The following STT3A variants were observed in gnomAD, a reference collection of about 807,000 sequenced individuals.
STT3A encodes dolichyl-diphosphooligosaccharide--protein glycosyltransferase subunit STT3A.
In STT3A, 34 loss-of-function variants were observed where a neutral mutation model predicts 89.2. That is an observed-to-expected ratio of 0.38 (90% CI 0.29 to 0.51). STT3A has a LOEUF of 0.51. Among genes scored for constraint, STT3A ranks in the 20% least tolerant of loss-of-function variants. The pLI is 0.89. For synonymous variants in STT3A, 282 were observed against 310.3 expected, an observed-to-expected ratio of 0.91 and a Z score of 0.96; for missense variants, 555 against 889.5, an observed-to-expected ratio of 0.62 and a Z score of 4.78.
chr11:125,609,403 T>C (rs765362981), intron 9 of STT3A, 31 bp from the exon 10 acceptor site: 21 of 1,572,858 alleles, frequency 1.3e-5, no homozygotes, highest in Non-Finnish European at 1.8e-5. Context: ...GAAGAGTGTG[T>C]GTGGAATATT....
At position 125,614,007 on chromosome 11, in the gene STT3A, C is replaced by A; in HGVS notation, c.1555-80C>A. On this transcript the variant is annotated intron_variant, in intron 13 of 17. Transcript: ENST00000392708. The surrounding 1 kb of genome is among the most constrained non-coding windows in gnomAD (Gnocchi z 4.9). ...TTAGCCAGGTGTCACTTCTGTCAGA[C>A]CAAAGATGCCTTCTCTGTTGCATTT... 7.8e-7 allele frequency: 1 copy of A among 1,287,310 alleles called. No individual in the cohort carries two copies. The highest frequency in any genetic ancestry group is 1.1e-6 in the Non-Finnish European group (1 of 894,712). The allele number at this position is 1,287,310 out of a possible 1,614,324, so 79.7% of individuals were successfully genotyped here.
rs1187932931 is a variant in STT3A at position 125,622,432 on chromosome 11, AATG to A, written c.*1625_*1627del. The A allele has an allele frequency of 6.6e-6, 1 of 152,246 alleles. No homozygotes were observed. Among genetic ancestry groups the A allele is most frequent in the African/African-American group, 2.4e-5 (1 of 41,456 alleles). 9.4% of individuals were successfully genotyped at this position (152,246 alleles called of 1,614,324 possible). ...TGATTAATACCAGTTAGAAATTATT[AATG>A]ATCTTCCTTTATACTATACATAGGA... On this transcript the variant is annotated 3_prime_UTR_variant, in exon 18 of 18. Coordinates refer to ENST00000392708, the MANE Select transcript of STT3A (RefSeq NM_152713.5).
chr11:125,595,823 G>A, intron 1 of STT3A, 58 bp from the exon 2 acceptor site: 1 of 837,216 alleles, frequency 1.2e-6, no homozygotes, highest in South Asian at 1.5e-5. Flanking sequence ...CATAAAATAT[G>A]AAAATTAAGT....
chr11:125,592,354 G>A (rs1939323694), upstream of STT3A: 1 of 455,544 alleles, frequency 2.2e-6, no homozygotes, highest in Admixed American at 2.4e-5. Context: ...TTTTAATTGA[G>A]AATAAATAGG....
Position 125,611,516 on chromosome 11 carries a change from A to C in STT3A, c.1206A>C (p.Val402=), listed in dbSNP as rs1449007776. The part of the protein sequence containing the change: ...YGVTSMYFSA[V]MVRLMLVLAP... ...TGACCAGCATGTACTTTTCAGCTGT[A>C]ATGGTGAGGATGCCCTCAGTCTGGT... The change falls in exon 11 of 18, where the codon GTA becomes GTC. Residue 402 remains valine (V), a synonymous_variant. Coordinates refer to ENST00000392708, the MANE Select transcript of STT3A (RefSeq NM_152713.5). The C allele has an allele frequency of 6.2e-6, 10 of 1,613,438 alleles. No individual in the cohort carries two copies. Among genetic ancestry groups the C allele is most frequent in the Non-Finnish European group, 8.5e-6 (10 of 1,179,736 alleles).
At chr11:125,616,230 T>C (rs1940177526) in intron 15 of STT3A, among the ~76,000 whole-genome samples, 1 of 152,196 alleles carries the variant, frequency 6.6e-6, no homozygotes, top group Non-Finnish European at 1.5e-5. Context: ...AGGTCCCTTA[T>C]ATAAAATGGT....
rs1406791313 is a variant in STT3A, at chr11:125,613,715, A to G, written c.1555-372A>G. On this transcript the variant is annotated intron_variant, in intron 13 of 17. Transcript: ENST00000392708. The surrounding 1 kb of genome is among the most constrained non-coding windows in gnomAD (Gnocchi z 4.2). ...ATCATGTGATTTGAGTTTCCACCCCATCTTTATAGTAAGTGATTTTTGCAA... is the reference window on the plus strand; with the variant it reads ...ATCATGTGATTTGAGTTTCCACCCCGTCTTTATAGTAAGTGATTTTTGCAA... 5.7e-6 allele frequency: 1 copy of G among 176,964 alleles called. No homozygotes were observed. Among genetic ancestry groups the G allele is most frequent in the Non-Finnish European group, 1.2e-5 (1 of 83,564 alleles). 11.0% of individuals were successfully genotyped at this position (176,964 alleles called of 1,614,324 possible).
At chr11:125,597,749 T>C (rs1939538803) in intron 3 of STT3A, among the ~76,000 whole-genome samples, 1 of 152,248 alleles carries the variant, frequency 6.6e-6, no homozygotes, top group African/African-American at 2.4e-5. Flanking sequence ...GTTATCAGTT[T>C]GATAAGGAAT....
chr11:125,595,164 C>CA (rs567964259), intron 1 of STT3A: 1 of 139,936 alleles, frequency 7.1e-6, no homozygotes, highest in African/African-American at 2.6e-5. Context: ...TTCACTTCTT[C>CA]TTTTTTTTTT....
At chr11:125,595,843 G>A in intron 1 of STT3A, 38 bp from the exon 2 acceptor site, 1 of 912,894 alleles carries the variant, frequency 1.1e-6, no homozygotes, top group Non-Finnish European at 1.8e-6. Flanking sequence ...TAAATTGAAG[G>A]TGTTCAATAT....
At chr11:125,616,130 T>A (rs1423725911) in intron 15 of STT3A, among the ~76,000 whole-genome samples, 4 of 152,204 alleles carry the variant, frequency 2.6e-5, no homozygotes, top group African/African-American at 9.7e-5. Flanking sequence ...GATAGTGTAG[T>A]TGTCCCTCTG....
intron 17 of STT3A, among the ~76,000 whole-genome samples, chr11:125,620,332 G>A (rs982921927): frequency 1.7e-4 from 26 of 152,130 alleles, no homozygotes; most frequent in Non-Finnish European, 3.2e-4. Context: ...TCATTTTGGC[G>A]GTTGTTGCAG....
At chr11:125,607,349 C>T (rs763039656) in intron 8 of STT3A, among the ~76,000 whole-genome samples, 4 of 152,186 alleles carry the variant, frequency 2.6e-5, no homozygotes, top group Non-Finnish European at 4.4e-5. Context: ...ATAACCCAAT[C>T]ATAAGTTGAA....
In STT3A at chr11:125,610,018, G is replaced by A. The variant is rs73629986; in HGVS notation, c.1117+429G>A. The A allele has an allele frequency of 4.6e-3, 708 of 154,094 alleles. 7 individuals are homozygous for A. The highest frequency in any genetic ancestry group is 0.016 in the African/African-American group (652 of 41,290). 9.5% of individuals were successfully genotyped at this position (154,094 alleles called of 1,614,324 possible). A position where few individuals can be genotyped will look rare whatever the true frequency, so the allele number is the denominator to read the frequency against. On this transcript the variant is annotated intron_variant, in intron 10 of 17. Transcript: ENST00000392708. ...ATCCAGATGTGTTTTAGAATTTACC[G>A]GTGTTAGTGGTCTTTTTCTCTTAAA...
At chr11:125,618,950 T>G (rs996706835) in intron 16 of STT3A, among the ~76,000 whole-genome samples, 1 of 152,168 alleles carries the variant, frequency 6.6e-6, no homozygotes, top group Admixed American at 6.5e-5. Context: ...TCTGGGCTGG[T>G]CTGGAACTCC....
intron 2 of STT3A, 83 bp from the exon 3 acceptor site, chr11:125,596,976 A>C: frequency 7.0e-7 from 1 of 1,436,940 alleles, no homozygotes; most frequent in Non-Finnish European, 9.8e-7. Context: ...TCTACTGGAT[A>C]ATACTGTCTT....
chr11:125,601,600 G>T (rs1939680659), intron 3 of STT3A, among the ~76,000 whole-genome samples: 1 of 151,832 alleles, frequency 6.6e-6, no homozygotes, highest in Admixed American at 6.6e-5. Context: ...TCCAGCCTGG[G>T]CAACAAGAGC....
In STT3A at chr11:125,597,198, C is replaced by T. The variant is rs1939522698; in HGVS notation, c.149+79C>T. 5 of 1,436,348 alleles carry T rather than the reference C, an allele frequency of 3.5e-6. No individual in the cohort carries two copies. The East Asian group carries it at 6.8e-5, about 20-fold the overall frequency. 89.0% of individuals were successfully genotyped at this position (1,436,348 alleles called of 1,614,324 possible). A position where few individuals can be genotyped will look rare whatever the true frequency, so the allele number is the denominator to read the frequency against. On this transcript the variant is annotated intron_variant, in intron 3 of 17. Transcript: ENST00000392708. The stretch of plus-strand genomic sequence containing the variant: ...ATGGGTTTCAGATTCAAATTTCAGT[C>T]AGCTCTCAGTGATAGAGATGTGCTT...
chr11:125,600,518 A>T (rs1012687204), intron 3 of STT3A, among the ~76,000 whole-genome samples: 3 of 150,484 alleles, frequency 2.0e-5, no homozygotes, highest in Non-Finnish European at 4.4e-5. Flanking sequence ...TGTGCCACTA[A>T]GTCCTGCTGA....
Sources: allele counts gnomAD v4.1 joint callset (sites outside exome capture counted in the v4.1 genomes callset), GRCh38; gene constraint gnomAD v4.1.1; non-coding constraint Gnocchi (gnomAD v3.1); transcripts MANE v1.5; gene names NCBI Gene and HGNC (gene_info 2026-07-23, HGNC 2026-07-21).